DNAH2: variants seen among roughly 807,000 people sequenced by gnomAD.
DNAH2 encodes dynein axonemal heavy chain 2, also known as axonemal beta dynein heavy chain 2.
In DNAH2, 323 loss-of-function variants were observed where a neutral mutation model predicts 523.5. The ratio of observed to expected loss-of-function variants is 0.62; its 90% CI spans 0.56 to 0.68. DNAH2 has a LOEUF of 0.68. Ranked by LOEUF, DNAH2 falls within the 30% of genes least tolerant of loss-of-function variation. DNAH2 has a pLI of 0.00. For synonymous variants in DNAH2, 2,093 were observed against 2,177.4 expected (o/e 0.96, Z 1.08); for missense variants, 4,907 against 5,701.5 (o/e 0.86, Z 4.49).
chr17:7,722,165 A>AT (rs1002979894), intron 2 of DNAH2, among the ~76,000 whole-genome samples: 2 of 103,294 alleles, frequency 1.9e-5, no homozygotes, highest in Non-Finnish European at 3.9e-5. Flanking sequence ...TGCCTGGCTA[A>AT]TTTTTTGTAT....
intron 5 of DNAH2, 151 bp downstream of exon 5, chr17:7,733,466 C>G: frequency 1.8e-6 from 1 of 559,642 alleles, no homozygotes; most frequent in Non-Finnish European, 3.0e-6. Context: ...CAAGATCCGC[C>G]TTCTTCTTCT....
chr17:7,798,821 G>T lies in DNAH2; in HGVS notation c.8559+103G>T, dbSNP rs992773136. 2 of 756,908 alleles carry T rather than the reference G, an allele frequency of 2.6e-6. No individual in the cohort carries two copies. The highest frequency in any genetic ancestry group is 4.6e-5 in the East Asian group (2 of 43,800). The allele number at this position is 756,908 out of a possible 1,614,324, so 46.9% of individuals were successfully genotyped here. A position where few individuals can be genotyped will look rare whatever the true frequency, so the allele number is the denominator to read the frequency against. ...AATGTGCCACTGGCACACCCCCACT[G>T]CCACACCCCCACTGCCCACCTCAGC... On this transcript the variant is annotated intron_variant, in intron 55 of 85. Transcript: ENST00000572933. The surrounding 1 kb of genome is among the most constrained non-coding windows in gnomAD (Gnocchi z 5.5).
Position 7,768,178 on chromosome 17 carries a change from AATTATTG to A in DNAH2, c.3854_3860del (p.Ile1285LysfsTer7). On this transcript the variant is annotated frameshift_variant, in exon 24 of 86. Coordinates refer to ENST00000572933, the MANE Select transcript of DNAH2 (RefSeq NM_020877.5). LOFTEE classifies it high-confidence loss of function. ...CTTTTGCTCAGGACCGAAACTGGGA[AATTATTG>A]AAACCACTCGCTCAAAAATAGAGCA... 1 of 1,614,170 alleles carries A rather than the reference AATTATTG, an allele frequency of 6.2e-7. No homozygotes were observed. The highest frequency in any genetic ancestry group is 8.5e-7 in the Non-Finnish European group (1 of 1,180,024).
chr17:7,787,294 A>T, intron 42 of DNAH2: 1 of 544,632 alleles, frequency 1.8e-6, no homozygotes, highest in Non-Finnish European at 3.2e-6. Flanking sequence ...GCTCGTTCTC[A>T]CGGATGCATG....
rs1174435704 is a variant in DNAH2, at chr17:7,776,203, C to A, written c.4947+54C>A. 3 of 1,586,902 alleles carry A rather than the reference C, an allele frequency of 1.9e-6. No homozygotes were observed. The African/African-American group carries it at 4.0e-5, about 21-fold the overall frequency. ...ACAAGGGGCTGGGCACGGTGGCTCA[C>A]GCCTGTAATCCCAGCACTTTGGGAG... On this transcript the variant is annotated intron_variant, in intron 31 of 85. Coordinates refer to ENST00000572933, the MANE Select transcript of DNAH2 (RefSeq NM_020877.5).
At position 7,760,799 on chromosome 17, in the gene DNAH2, G is replaced by A. The variant is rs757229761; in HGVS notation, c.2845G>A (p.Ala949Thr). The A allele has an allele frequency of 7.4e-6, 12 of 1,614,054 alleles. No individual in the cohort carries two copies. The highest frequency in any genetic ancestry group is 2.7e-5 in the African/African-American group (2 of 74,918). Residue 949 changes from alanine (A) to threonine (T), a missense_variant, in exon 18 of 86, where the codon GCA becomes ACA. By Grantham distance (58) the Ala-to-Thr change is moderately conservative. Coordinates refer to ENST00000572933, the MANE Select transcript of DNAH2 (RefSeq NM_020877.5). This position sits in a 1 kb window ranked among gnomAD's most constrained non-coding sequence, Gnocchi z 4.0. ...AATCAGCAGCGGCATGACTAACAAC[G>A]CAAGCCTGCTGCAGAACTACCTCAA... ...TQISSGMTNN[A>T]SLLQNYLKTW...
chr17:7,732,802 A>T (rs1334377126), intron 4 of DNAH2, among the ~76,000 whole-genome samples: 1 of 152,074 alleles, frequency 6.6e-6, no homozygotes, highest in Non-Finnish European at 1.5e-5. Context: ...TCCAACAAAC[A>T]TTATTGAGCA....
intron 56 of DNAH2, among the ~76,000 whole-genome samples, chr17:7,801,272 C>G (rs1319198594): frequency 3.3e-5 from 5 of 152,150 alleles, no homozygotes; most frequent in Admixed American, 2.6e-4. Flanking sequence ...ATCCCCCAAC[C>G]ATCCTAGTCA....
Position 7,722,033 on chromosome 17 carries a change from C to T in DNAH2, c.167-1595C>T, listed in dbSNP as rs191716410. ...TATTTTTTGGAGACAGAATCTTGCC[C>T]TGTCACCCAGGCTGGAGTGCAATGG... On this transcript the variant is annotated intron_variant, in intron 2 of 85. Transcript: ENST00000572933. Among the ~76,000 whole-genome samples, 141 of 152,268 alleles carry T rather than the reference C, an allele frequency of 9.3e-4. 2 individuals are homozygous for T. Among genetic ancestry groups the T allele is most frequent in the African/African-American group, 3.2e-3 (131 of 41,544 alleles).
intron 8 of DNAH2, among the ~76,000 whole-genome samples, chr17:7,738,566 T>A (rs546467145): frequency 2.3e-3 from 349 of 152,260 alleles, no homozygotes; most frequent in African/African-American, 8.1e-3. Context: ...CCTGACCTTG[T>A]GATCTGCTCG....
chr17:7,741,560 G>A (rs1005606109), intron 11 of DNAH2, among the ~76,000 whole-genome samples: 4 of 151,826 alleles, frequency 2.6e-5, no homozygotes, highest in African/African-American at 4.8e-5. Context: ...GGGTTTCACC[G>A]TGTTAGCCAG....
chr17:7,818,335 G>A lies in DNAH2; in HGVS notation c.10411G>A (p.Gly3471Ser). The A allele has an allele frequency of 6.2e-7, 1 of 1,614,166 alleles. No homozygotes were observed. ...RIGGRLLMRI[G>S]DKEVEYNTNF... ...AGGTGGTCGGCTGTTGATGCGCATT[G>A]GCGATAAGGAGGTGGAATATAATAC... The change falls in exon 69 of 86, where the codon GGC becomes AGC. Residue 3471 changes from glycine (G) to serine (S), a missense_variant. By Grantham distance (56) the Gly-to-Ser change is moderately conservative. Coordinates refer to ENST00000572933, the MANE Select transcript of DNAH2 (RefSeq NM_020877.5).
At chr17:7,792,918 C>T in intron 47 of DNAH2, 63 bp downstream of exon 47, 1 of 1,603,328 alleles carries the variant, frequency 6.2e-7, no homozygotes, top group Non-Finnish European at 8.5e-7. Flanking sequence ...CTGCCTGACC[C>T]TCCTCTCTAA....
chr17:7,827,456 CT>C (rs1222111038), intron 77 of DNAH2, among the ~76,000 whole-genome samples: 1 of 151,764 alleles, frequency 6.6e-6, no homozygotes, highest in Admixed American at 6.6e-5. Context: ...TTTTGTTTTG[CT>C]TTTTTTGAGA....
chr17:7,781,195 C>G, intron 39 of DNAH2, 28 bp downstream of exon 39: 1 of 1,613,664 alleles, frequency 6.2e-7, no homozygotes, highest in Non-Finnish European at 8.5e-7. Flanking sequence ...CTCTCCCTGA[C>G]CGGGTGCTGT....
intron 11 of DNAH2, among the ~76,000 whole-genome samples, chr17:7,741,779 C>G (rs889592733): frequency 3.9e-5 from 6 of 151,956 alleles, no homozygotes; most frequent in African/African-American, 1.2e-4. Flanking sequence ...ATTCTCCTGC[C>G]TTAGCCTCTC....
At chr17:7,806,658 C>CAAA (rs66460228) in intron 61 of DNAH2, among the ~76,000 whole-genome samples, 11 of 60,538 alleles carry the variant, frequency 1.8e-4, no homozygotes, top group Non-Finnish European at 2.7e-4. Context: ...CACTCCATCT[C>CAAA]AAAAAAAAAA....
At chr17:7,759,752 C>T (rs766696158) in intron 16 of DNAH2, 39 bp from the exon 17 acceptor site, 3 of 1,613,496 alleles carry the variant, frequency 1.9e-6, no homozygotes, top group Non-Finnish European at 2.5e-6. Flanking sequence ...CTTCCCAGTC[C>T]TAAGGCTTTT....
In DNAH2 at chr17:7,780,166, G is replaced by A. The variant is rs2076564158; in HGVS notation, c.5732G>A (p.Gly1911Asp). The change falls in exon 37 of 86, where the codon GGC (glycine) becomes GAC (aspartate). Residue 1911 changes from glycine (G) to aspartate (D), a missense_variant. Gly to Asp is a moderately conservative substitution (Grantham distance 94). Around this residue, in one of 3 missense-constraint regions of DNAH2, gnomAD observed 2,806 missense variants for 3,190.8 expected, o/e 0.88. Transcript: ENST00000572933. The surrounding 1 kb of genome is among the most constrained non-coding windows in gnomAD (Gnocchi z 4.4). Reference sequence around the variant, plus strand: ...TGGCATTGTTTTCCAGGCTATGCTGGCCGCACAGAGCTTCCCGAAAATCTT... The same window carrying A: ...TGGCATTGTTTTCCAGGCTATGCTGACCGCACAGAGCTTCCCGAAAATCTT... ...IFITMNPGYAGRTELPENLKS... is the reference protein window; with the variant it reads ...IFITMNPGYADRTELPENLKS... 1.2e-6 allele frequency: 2 copies of A among 1,612,804 alleles called. No homozygotes were observed. The highest frequency in any genetic ancestry group is 1.7e-6 in the Non-Finnish European group (2 of 1,179,496).
Sources: allele counts gnomAD v4.1 joint callset (sites outside exome capture counted in the v4.1 genomes callset), GRCh38; gene constraint gnomAD v4.1.1; regional missense constraint gnomAD v4.1.1; non-coding constraint Gnocchi (gnomAD v3.1); transcripts MANE v1.5; gene names NCBI Gene and HGNC (gene_info 2026-07-23, HGNC 2026-07-21).